CTNNA3: variants seen among roughly 807,000 people sequenced by gnomAD.
The protein encoded by CTNNA3 is catenin alpha-3.
Under a neutral mutation model 95.7 loss-of-function variants are expected in CTNNA3, and 76 were observed. That is an observed-to-expected ratio of 0.79 (90% CI 0.66 to 0.96). CTNNA3 has a LOEUF of 0.96. Among genes scored for constraint, CTNNA3 ranks in the 40% least tolerant of loss-of-function variants. The pLI is 0.00. For synonymous variants in CTNNA3, 431 were observed against 374.4 expected, an observed-to-expected ratio of 1.15 and a Z score of -1.74; for missense variants, 1,191 against 1,089.8, an observed-to-expected ratio of 1.09 and a Z score of -1.31.
intron 9 of CTNNA3, among the ~76,000 whole-genome samples, chr10:66,715,097 ATCAAGC>A (rs1848410496): frequency 6.6e-6 from 1 of 152,122 alleles, no homozygotes; most frequent in African/African-American, 2.4e-5. Context: ...ATCTTTCCAG[ATCAAGC>A]TCAAATGTCC....
intron 7 of CTNNA3, among the ~76,000 whole-genome samples, chr10:66,983,211 C>T (rs1055646418): frequency 6.6e-6 from 1 of 152,166 alleles, no homozygotes; most frequent in African/African-American, 2.4e-5. Flanking sequence ...GGCAGAAAGA[C>T]AAATGGAGGC....
chr10:67,062,240 C>A (rs777674207), intron 7 of CTNNA3, among the ~76,000 whole-genome samples: 7 of 152,120 alleles, frequency 4.6e-5, no homozygotes, highest in Non-Finnish European at 1.0e-4. Flanking sequence ...CTAAACCTTA[C>A]TCAGTGTGAT....
chr10:66,569,017 A>T (rs1249363744), intron 10 of CTNNA3, among the ~76,000 whole-genome samples: 7 of 151,978 alleles, frequency 4.6e-5, no homozygotes, highest in Non-Finnish European at 1.5e-5. Context: ...TGGCCTTGGA[A>T]AGGAACATGC....
At chr10:66,111,283 A>G (rs950276378) in intron 13 of CTNNA3, among the ~76,000 whole-genome samples, 2 of 152,106 alleles carry the variant, frequency 1.3e-5, no homozygotes, top group African/African-American at 2.4e-5. Flanking sequence ...ACCTTCTGCC[A>G]TGATTGTAAG....
At chr10:66,575,774 A>C (rs1842986139) in intron 10 of CTNNA3, among the ~76,000 whole-genome samples, 1 of 152,094 alleles carries the variant, frequency 6.6e-6, no homozygotes, top group South Asian at 2.1e-4. Flanking sequence ...AAGCAAATAC[A>C]ACATAACCGG....
chr10:66,676,626 C>T (rs962111762), intron 9 of CTNNA3, among the ~76,000 whole-genome samples: 1 of 152,046 alleles, frequency 6.6e-6, no homozygotes, highest in Non-Finnish European at 1.5e-5. Flanking sequence ...CAGCTATGGT[C>T]CTAGGACTCA....
chr10:66,041,272 A>T (rs1387692213), intron 15 of CTNNA3, among the ~76,000 whole-genome samples: 1 of 152,194 alleles, frequency 6.6e-6, no homozygotes, highest in East Asian at 1.9e-4. Context: ...AGACTGAGGG[A>T]ATGTCATAGA....
intron 13 of CTNNA3, among the ~76,000 whole-genome samples, chr10:66,125,781 C>T (rs768315778): frequency 1.3e-5 from 2 of 152,126 alleles, no homozygotes; most frequent in African/African-American, 2.4e-5. Flanking sequence ...CCCAATTGAA[C>T]AGTATGTTGA....
At chr10:67,641,760 A>T (rs571512130) in intron 2 of CTNNA3, among the ~76,000 whole-genome samples, 32 of 152,266 alleles carry the variant, frequency 2.1e-4, no homozygotes, top group African/African-American at 7.7e-4. Flanking sequence ...CGCAAGGACA[A>T]AAAACCAAAC....
intron 11 of CTNNA3, among the ~76,000 whole-genome samples, chr10:66,510,044 T>G (rs953279428): frequency 6.6e-6 from 1 of 151,954 alleles, no homozygotes; most frequent in Non-Finnish European, 1.5e-5. Context: ...GGAATGTTTT[T>G]CAATTTCTTT....
intron 12 of CTNNA3, among the ~76,000 whole-genome samples, chr10:66,288,670 T>C (rs1415028016): frequency 6.6e-6 from 1 of 152,018 alleles, no homozygotes; most frequent in Non-Finnish European, 1.5e-5. Flanking sequence ...AGTTCTATCA[T>C]CACAAAAAGT....
rs574514453 is a variant in CTNNA3, at chr10:67,129,202, A to G, written c.1047+51115T>C. Among the ~76,000 whole-genome samples the G allele has an allele frequency of 1.8e-4, 27 of 152,322 alleles. 1 individual carries two copies. The highest frequency in any genetic ancestry group is 3.4e-3 in the Middle Eastern group (1 of 294). On this transcript the variant is annotated intron_variant, in intron 7 of 17. Coordinates refer to ENST00000433211, the MANE Select transcript of CTNNA3 (RefSeq NM_013266.4). ...ACTATGCCTGTGACAGTATTTCATA[A>G]TAAAAAATTTTCAGATTTTTTCAGT...
At chr10:67,319,280 T>C (rs182733816) in intron 5 of CTNNA3, among the ~76,000 whole-genome samples, 16 of 151,260 alleles carry the variant, frequency 1.1e-4, no homozygotes, top group Non-Finnish European at 1.2e-4. Context: ...CCTTTTCTCT[T>C]TGTGGATCTC....
At chr10:67,436,872 G>T (rs141376759) in intron 5 of CTNNA3, among the ~76,000 whole-genome samples, 1,669 of 152,268 alleles carry the variant, frequency 0.011, 31 homozygotes, top group African/African-American at 0.038. Context: ...TACACTGCTG[G>T]TGGAAATGTA....
In CTNNA3 at chr10:67,411,722, T is replaced by C. The variant is rs982635244; in HGVS notation, c.579+110120A>G. ...GCAAATATAACAGAGTTTTCCTTTT[T>C]TGTGGGAGTGTCAGATTTTGAGTTT... On this transcript the variant is annotated intron_variant, in intron 5 of 17. Transcript: ENST00000433211. 2.6e-5 allele frequency among the ~76,000 whole-genome samples: 4 copies of C among 152,270 alleles called. No homozygotes were observed. The East Asian group carries it at 7.7e-4, about 29-fold the overall frequency.
intron 5 of CTNNA3, among the ~76,000 whole-genome samples, chr10:67,510,777 C>T (rs1483041054): frequency 2.6e-5 from 4 of 152,090 alleles, no homozygotes; most frequent in African/African-American, 9.7e-5. Context: ...CTATAAATTA[C>T]CTTGGGCAGT....
At chr10:66,375,219 G>C (rs577751817) in intron 12 of CTNNA3, among the ~76,000 whole-genome samples, 6 of 150,400 alleles carry the variant, frequency 4.0e-5, no homozygotes, top group Non-Finnish European at 7.4e-5. Context: ...GTGCCTTTTG[G>C]CCCACATCAG....
intron 7 of CTNNA3, among the ~76,000 whole-genome samples, chr10:66,959,487 G>T (rs535024479): frequency 6.6e-6 from 1 of 152,250 alleles, no homozygotes; most frequent in Non-Finnish European, 1.5e-5. Flanking sequence ...AAATATGCAA[G>T]GGTTCAGAAT....
At chr10:67,402,325 C>A (rs1844952966) in intron 5 of CTNNA3, among the ~76,000 whole-genome samples, 1 of 152,034 alleles carries the variant, frequency 6.6e-6, no homozygotes, top group South Asian at 2.1e-4. Flanking sequence ...GCAGAATAGA[C>A]CAAGCTGAGG....
Sources: gnomAD v4.1 joint callset for allele counts (sites outside exome capture counted in the v4.1 genomes callset) on GRCh38, gnomAD v4.1.1 for gene constraint, MANE v1.5 for transcripts, NCBI Gene and HGNC (gene_info 2026-07-23, HGNC 2026-07-21) for gene names.